PTPRC: variants seen among roughly 807,000 people sequenced by gnomAD.
PTPRC encodes protein tyrosine phosphatase receptor type C.
PTPRC carries 44 observed loss-of-function variants against 155.9 expected under a neutral mutation model. The observed-to-expected ratio is 0.28, with a 90% CI of 0.22 to 0.36. The LOEUF (loss-of-function observed/expected upper bound fraction) is 0.36, where lower values mean the gene tolerates loss of function less well. PTPRC is among the 10% of genes least tolerant of loss of function. The probability of loss-of-function intolerance (pLI) is 1.00; values close to 1 mark genes in which losing one functional copy is unlikely to be tolerated. For synonymous variants in PTPRC, 525 were observed against 533.1 expected (o/e 0.98, Z 0.21); for missense variants, 1,401 against 1,564.6 (o/e 0.90, Z 1.76).
chr1:198,693,946 A>G (rs1666064651), intron 3 of PTPRC: 1 of 1,478,360 alleles, frequency 6.8e-7, no homozygotes, highest in African/African-American at 1.4e-5. Flanking sequence ...GACAGAACTA[A>G]TAGGTTAGAT....
At chr1:198,740,437 C>A (rs995440765) in intron 23 of PTPRC, among the ~76,000 whole-genome samples, 1 of 151,584 alleles carries the variant, frequency 6.6e-6, no homozygotes, top group Non-Finnish European at 1.5e-5. Context: ...AAAATATTAG[C>A]CAGGTGTGGT....
At chr1:198,722,318 G>A in intron 14 of PTPRC, 98 bp from the exon 15 acceptor site, 1 of 554,382 alleles carries the variant, frequency 1.8e-6, no homozygotes, top group East Asian at 5.7e-5. Context: ...TGGTATGAAA[G>A]ATAATATAAA....
intron 3 of PTPRC, among the ~76,000 whole-genome samples, chr1:198,696,486 T>C (rs1666209496): frequency 6.6e-6 from 1 of 152,188 alleles, no homozygotes; most frequent in African/African-American, 2.4e-5. Context: ...TATCTCTGTA[T>C]GCATCAATAT....
At position 198,742,220 on chromosome 1, in the gene PTPRC, T is replaced by C; in HGVS notation, c.2562-12T>C. 1 of 1,612,204 alleles carries C rather than the reference T, an allele frequency of 6.2e-7. No individual in the cohort carries two copies. Among genetic ancestry groups the C allele is most frequent in the Non-Finnish European group, 8.5e-7 (1 of 1,178,810 alleles). On this transcript the variant is annotated splice_polypyrimidine_tract_variant and intron_variant, in intron 24 of 32. Transcript: ENST00000442510. ...TGATCATGCCTCTGCTTTTTTTTGC[T>C]TGGTTTGCCAGTGCTGGTGTTGGGC...
In PTPRC at chr1:198,716,790, T is replaced by A; in HGVS notation, c.1400T>A (p.Val467Glu). ...TTACATGCCTACATCATTGCAAAAG[T>A]GCAACGTAATGGAAGTGCTGCAATG... is the stretch of plus-strand genomic sequence containing the variant. ...LSLHAYIIAK[V>E]QRNGSAAMCH... is the part of the protein sequence containing the mutation. Residue 467 changes from valine (V) to glutamate (E), a missense_variant, in exon 13 of 33, where the codon GTG becomes GAG. Val to Glu is a moderately radical substitution (Grantham distance 121, BLOSUM62 -2). Around this residue, in one of 3 missense-constraint regions of PTPRC, gnomAD observed 867 missense variants for 970.4 expected, o/e 0.89. Coordinates refer to ENST00000442510, the MANE Select transcript of PTPRC (RefSeq NM_002838.5). The A allele has an allele frequency of 6.2e-7, 1 of 1,613,648 alleles. No homozygotes were observed. Among genetic ancestry groups the A allele is most frequent in the Non-Finnish European group, 8.5e-7 (1 of 1,179,930 alleles).
intron 2 of PTPRC, among the ~76,000 whole-genome samples, chr1:198,653,645 C>T (rs1040631270): frequency 1.3e-5 from 2 of 151,752 alleles, no homozygotes; most frequent in African/African-American, 2.4e-5. Flanking sequence ...GTGGAATCTT[C>T]GCTCCAGTTT....
At chr1:198,743,158 A>G (rs1007666743) in intron 25 of PTPRC, among the ~76,000 whole-genome samples, 4 of 151,706 alleles carry the variant, frequency 2.6e-5, no homozygotes, top group Non-Finnish European at 5.9e-5. Context: ...GGAAGACAAA[A>G]TGTGGACATG....
intron 25 of PTPRC, 44 bp downstream of exon 25, chr1:198,742,411 G>A: frequency 6.2e-7 from 1 of 1,603,816 alleles, no homozygotes; most frequent in Non-Finnish European, 8.5e-7. Context: ...TGGTTTTTTG[G>A]ACTTAAATCT....
intron 32 of PTPRC, among the ~76,000 whole-genome samples, chr1:198,755,446 G>A (rs1412738063): frequency 6.6e-6 from 1 of 151,218 alleles, no homozygotes; most frequent in Non-Finnish European, 1.5e-5. Flanking sequence ...TTGGTATGAG[G>A]GAAAGCCAGG....
At chr1:198,720,398 T>G (rs944152379) in intron 14 of PTPRC, among the ~76,000 whole-genome samples, 4 of 152,176 alleles carry the variant, frequency 2.6e-5, no homozygotes, top group Non-Finnish European at 5.9e-5. Flanking sequence ...TGGCGTGATC[T>G]CGGCTCCTGC....
At chr1:198,698,685 ATG>A (rs1410978229) in intron 4 of PTPRC, among the ~76,000 whole-genome samples, 3 of 151,874 alleles carry the variant, frequency 2.0e-5, no homozygotes, top group Non-Finnish European at 4.4e-5. Flanking sequence ...ATAGATGGGT[ATG>A]TGTGTATATA....
chr1:198,658,963 G>C (rs1194808756), intron 2 of PTPRC, among the ~76,000 whole-genome samples: 1 of 152,126 alleles, frequency 6.6e-6, no homozygotes, highest in Non-Finnish European at 1.5e-5. Context: ...TGCGCAGGAA[G>C]TATCTGCATT....
rs1296242389 is a variant in PTPRC at position 198,703,291 on chromosome 1, C to G, written c.584-7C>G. 1.2e-6 allele frequency: 2 copies of G among 1,612,766 alleles called. No homozygotes were observed. Among genetic ancestry groups the G allele is most frequent in the Non-Finnish European group, 1.7e-6 (2 of 1,180,002 alleles). Reference sequence around the variant, plus strand: ...TAGCTTTTATTCTTCTATTCATTTTCTTGCAGATGCCTACCTTAATGCCTC... The same window carrying G: ...TAGCTTTTATTCTTCTATTCATTTTGTTGCAGATGCCTACCTTAATGCCTC... On this transcript the variant is annotated splice_polypyrimidine_tract_variant and splice_region_variant and intron_variant, in intron 6 of 32. Coordinates refer to ENST00000442510, the MANE Select transcript of PTPRC (RefSeq NM_002838.5).
chr1:198,719,733 C>A (rs1056237834), intron 14 of PTPRC, among the ~76,000 whole-genome samples: 2 of 151,964 alleles, frequency 1.3e-5, no homozygotes, highest in African/African-American at 4.8e-5. Flanking sequence ...GCCTCAGCCT[C>A]CTGAGTAGCT....
Position 198,752,260 on chromosome 1 carries a change from T to C in PTPRC, c.3219T>C (p.Ala1073=), listed in dbSNP as rs762911998. 2.5e-6 allele frequency: 4 copies of C among 1,611,780 alleles called. No homozygotes were observed. The highest frequency in any genetic ancestry group is 2.2e-5 in the South Asian group (2 of 91,038). The change falls in exon 30 of 33, where the codon GCT becomes GCC. Residue 1073 remains alanine (A), a synonymous_variant. Transcript: ENST00000442510. The part of the protein sequence containing the change: ...ELKHGDQEIC[A]QYWGEGKQTY... ...CTTCTTTTATCTAGGAAATCTGTGC[T>C]CAGTACTGGGGAGAAGGAAAGCAAA...
chr1:198,675,911 T>G (rs1664925028), intron 2 of PTPRC, among the ~76,000 whole-genome samples: 1 of 152,310 alleles, frequency 6.6e-6, no homozygotes, highest in African/African-American at 2.4e-5. Flanking sequence ...TGTAGAACTG[T>G]GTCAAAGACC....
intron 2 of PTPRC, among the ~76,000 whole-genome samples, chr1:198,658,447 T>C (rs558430619): frequency 6.6e-6 from 1 of 152,310 alleles, no homozygotes; most frequent in South Asian, 2.1e-4. Context: ...ATTGTGCTCA[T>C]GAAAGACACA....
chr1:198,684,158 G>A (rs1210197928), intron 2 of PTPRC, among the ~76,000 whole-genome samples: 2 of 151,010 alleles, frequency 1.3e-5, no homozygotes, highest in Non-Finnish European at 3.0e-5. Context: ...CAGAAAAAAA[G>A]CAGTGTAACT....
At chr1:198,750,180 A>G (rs1028513298) in intron 28 of PTPRC, among the ~76,000 whole-genome samples, 1 of 152,002 alleles carries the variant, frequency 6.6e-6, no homozygotes, top group South Asian at 2.1e-4. Context: ...TGAAATGCTT[A>G]AGTAATTCCT....
Sources: allele counts gnomAD v4.1 joint callset (sites outside exome capture counted in the v4.1 genomes callset), GRCh38; gene constraint gnomAD v4.1.1; regional missense constraint gnomAD v4.1.1; transcripts MANE v1.5; gene names NCBI Gene and HGNC (gene_info 2026-07-23, HGNC 2026-07-21).